Variants in PHACTR1 observed in about 807,000 individuals in gnomAD.
The protein encoded by PHACTR1 is phosphatase and actin regulator 1.
In PHACTR1, 16 loss-of-function variants were observed where a neutral mutation model predicts 69.2. The ratio of observed to expected loss-of-function variants is 0.23; its 90% confidence interval spans 0.16 to 0.35. The LOEUF is 0.35. Among genes scored for constraint, PHACTR1 ranks in the 10% least tolerant of loss-of-function variants. The pLI, the probability that PHACTR1 is intolerant of heterozygous loss-of-function variation, is 1.00. For synonymous variants in PHACTR1, 312 were observed against 284.5 expected (o/e 1.10, Z -0.97); for missense variants, 510 against 734.7 (o/e 0.69, Z 3.54).
At position 12,999,572 on chromosome 6, in the gene PHACTR1, CTGGGTGACAGAG is replaced by C. The variant is rs200911745; in HGVS notation, c.251-53790_251-53779del. ...TGAGACGGCGCCACTGCACTCCAGC[CTGGGTGACAGAG>C]TGAGACTCTGTCTCAGAAAAGAAAA... is the stretch of plus-strand genomic sequence containing the variant. On this transcript the variant is annotated intron_variant, in intron 4 of 14. Transcript: ENST00000332995. Among the ~76,000 whole-genome samples the C allele has an allele frequency of 6.4e-3, 972 of 152,282 alleles. 9 individuals are homozygous for C. The highest frequency in any genetic ancestry group is 0.021 in the African/African-American group (866 of 41,532).
chr6:13,207,032 T>C (rs1766033982), intron 8 of PHACTR1, among the ~76,000 whole-genome samples: 2 of 152,192 alleles, frequency 1.3e-5, no homozygotes, highest in South Asian at 4.1e-4. Flanking sequence ...CGTGTGAGTG[T>C]ACGCACATAC....
At chr6:13,025,401 T>C (rs1000940869) in intron 4 of PHACTR1, among the ~76,000 whole-genome samples, 1 of 152,102 alleles carries the variant, frequency 6.6e-6, no homozygotes, top group Admixed American at 6.5e-5. Flanking sequence ...AAAAGGGAGA[T>C]TGCTCTGGTT....
intron 4 of PHACTR1, among the ~76,000 whole-genome samples, chr6:12,996,329 C>T (rs1402708194): frequency 6.6e-6 from 1 of 152,004 alleles, no homozygotes. Context: ...AAATCTCTGG[C>T]AAGAGGCATC....
At chr6:12,766,029 A>C (rs575735682) in intron 4 of PHACTR1, among the ~76,000 whole-genome samples, 1 of 152,284 alleles carries the variant, frequency 6.6e-6, no homozygotes, top group South Asian at 2.1e-4. Context: ...GTTTCTCCTC[A>C]TTGACTCGGA....
chr6:12,917,655 A>G (rs766540184), intron 4 of PHACTR1, among the ~76,000 whole-genome samples: 4 of 152,176 alleles, frequency 2.6e-5, no homozygotes, highest in Non-Finnish European at 5.9e-5. Context: ...TTCAGGAGAC[A>G]GAGGTAGGAG....
At chr6:12,752,183 A>C (rs1306427566) in intron 4 of PHACTR1, among the ~76,000 whole-genome samples, 1 of 152,198 alleles carries the variant, frequency 6.6e-6, no homozygotes, top group Non-Finnish European at 1.5e-5. Context: ...TAACGAAGTA[A>C]GATCCACTCA....
intron 4 of PHACTR1, chr6:12,957,980 A>G: frequency 4.1e-6 from 4 of 985,424 alleles, no homozygotes; most frequent in Non-Finnish European, 4.8e-6. Flanking sequence ...GAAAGCCAGG[A>G]AACAGACCCA....
intron 4 of PHACTR1, among the ~76,000 whole-genome samples, chr6:12,923,257 A>C (rs770110288): frequency 1.3e-5 from 2 of 152,220 alleles, no homozygotes; most frequent in Non-Finnish European, 2.9e-5. Context: ...ATGGAAATGA[A>C]TCTATCCCAA....
chr6:12,901,133 T>C (rs1379466254), intron 4 of PHACTR1, among the ~76,000 whole-genome samples: 8 of 152,112 alleles, frequency 5.3e-5, no homozygotes, highest in Non-Finnish European at 8.8e-5. Flanking sequence ...GAGCACTGAG[T>C]CAGGAAGTGA....
intron 4 of PHACTR1, among the ~76,000 whole-genome samples, chr6:12,825,253 C>G (rs1284748031): frequency 6.6e-6 from 1 of 150,434 alleles, no homozygotes; most frequent in African/African-American, 2.5e-5. Context: ...TTCAAGGCTG[C>G]AGAGGGCTAT....
At chr6:12,741,471 C>T (rs547567896) in intron 3 of PHACTR1, among the ~76,000 whole-genome samples, 33 of 152,068 alleles carry the variant, frequency 2.2e-4, no homozygotes, top group African/African-American at 7.9e-4. Flanking sequence ...GGTTTATTTT[C>T]TTCCACCATA....
At chr6:12,795,935 A>G (rs1192055355) in intron 4 of PHACTR1, among the ~76,000 whole-genome samples, 1 of 152,132 alleles carries the variant, frequency 6.6e-6, no homozygotes, top group African/African-American at 2.4e-5. Flanking sequence ...TTGGCCTTTC[A>G]GTAAATTTAA....
In PHACTR1 at chr6:13,283,456, A is replaced by G; in HGVS notation, c.1544A>G (p.Glu515Gly). 1.2e-6 allele frequency: 2 copies of G among 1,613,778 alleles called. No homozygotes were observed. Among genetic ancestry groups the G allele is most frequent in the Non-Finnish European group, 1.7e-6 (2 of 1,179,798 alleles). The change falls in exon 13 of 15, where the codon GAA (glutamate) becomes GGA (glycine). Residue 515 changes from glutamate (E) to glycine (G), a missense_variant. Glu to Gly is a moderately conservative substitution (Grantham distance 98). This residue lies in a region of PHACTR1 where 91 missense variants were observed against 203.8 expected (regional missense o/e 0.45). Transcript: ENST00000332995. The surrounding 1 kb of genome is among the most constrained non-coding windows in gnomAD (Gnocchi z 4.7). ...SQRPTVEELRERKILIRFSDY... is the reference protein window; with the variant it reads ...SQRPTVEELRGRKILIRFSDY... ...AGGCCCACGGTGGAAGAGCTTCGGG[A>G]AAGAAAGATCCTCATCCGCTTCAGT... is the stretch of plus-strand genomic sequence containing the variant.
chr6:12,969,059 G>A (rs1793851139), intron 4 of PHACTR1, among the ~76,000 whole-genome samples: 1 of 152,138 alleles, frequency 6.6e-6, no homozygotes, highest in Non-Finnish European at 1.5e-5. Flanking sequence ...CACACTTGGA[G>A]AAACAAGGTT....
At chr6:12,947,262 T>C (rs962266454) in intron 4 of PHACTR1, among the ~76,000 whole-genome samples, 5 of 152,154 alleles carry the variant, frequency 3.3e-5, no homozygotes, top group African/African-American at 1.2e-4. Flanking sequence ...TCTACTGCAC[T>C]GTTGAGACAG....
In PHACTR1 at chr6:13,146,145, C is replaced by T. The variant is rs555419047; in HGVS notation, c.416-14059C>T. ...GTCATGTAACATCTTCTTTATCTGT[C>T]GTGTGGATAATAGTGCCAACCTCTC... On this transcript the variant is annotated intron_variant, in intron 5 of 14. Coordinates refer to ENST00000332995, the MANE Select transcript of PHACTR1 (RefSeq NM_030948.6). 3.9e-4 allele frequency among the ~76,000 whole-genome samples: 59 copies of T among 152,280 alleles called. 1 individual carries two copies. Among genetic ancestry groups the T allele is most frequent in the African/African-American group, 1.3e-3 (55 of 41,552 alleles).
intron 8 of PHACTR1, among the ~76,000 whole-genome samples, chr6:13,217,322 G>C (rs1767837582): frequency 6.6e-6 from 1 of 152,190 alleles, no homozygotes; most frequent in Non-Finnish European, 1.5e-5. Flanking sequence ...CAATGGCCCA[G>C]CTGGGACTCG....
At chr6:12,990,562 C>T (rs916719016) in intron 4 of PHACTR1, among the ~76,000 whole-genome samples, 19 of 152,228 alleles carry the variant, frequency 1.2e-4, no homozygotes, top group Admixed American at 2.6e-4. Context: ...CAGCATTCTA[C>T]GGGTGTGTTA....
At chr6:13,124,713 A>C (rs1208802858) in intron 5 of PHACTR1, among the ~76,000 whole-genome samples, 1 of 152,208 alleles carries the variant, frequency 6.6e-6, no homozygotes, top group Non-Finnish European at 1.5e-5. Flanking sequence ...GGCTGAGATA[A>C]GGGTGCCCGC....
Sources: gnomAD v4.1 joint callset for allele counts (sites outside exome capture counted in the v4.1 genomes callset) on GRCh38, gnomAD v4.1.1 for gene constraint, gnomAD v4.1.1 regional missense constraint, Gnocchi (gnomAD v3.1) non-coding constraint, MANE v1.5 for transcripts, NCBI Gene and HGNC (gene_info 2026-07-23, HGNC 2026-07-21) for gene names.